Variants in DMD observed in about 807,000 individuals in gnomAD.
DMD encodes the protein mutant dystrophin.
In DMD, 63 loss-of-function variants were observed where a neutral mutation model predicts 330.1. The observed-to-expected ratio is 0.19, with a 90% CI of 0.16 to 0.24. The LOEUF is 0.24. Ranked by LOEUF, DMD falls within the 10% of genes least tolerant of loss-of-function variation. The probability of loss-of-function intolerance (pLI) is 1.00; values close to 1 mark genes in which losing one functional copy is unlikely to be tolerated. For missense variants in DMD, 3,344 were observed against 2,684.1 expected, an observed-to-expected ratio of 1.25 and a Z score of -5.43; for synonymous variants, 1,223 against 959.8, an observed-to-expected ratio of 1.27 and a Z score of -5.07.
At chrX:32,335,173 G>C (rs965353241) in intron 41 of DMD, among the ~76,000 whole-genome samples, 1 of 109,292 alleles carries the variant, frequency 9.1e-6, no homozygotes, top group Non-Finnish European at 1.9e-5. Flanking sequence ...CAATATATAG[G>C]TGTTTATTTT....
chrX:32,707,476 A>C (rs2064782114), intron 7 of DMD, among the ~76,000 whole-genome samples: 1 of 111,686 alleles, frequency 9.0e-6, no homozygotes, highest in South Asian at 3.8e-4. Context: ...TTAAATGAAA[A>C]TTCGCAACCA....
chrX:32,828,850 A>T (rs1457357785), intron 4 of DMD, among the ~76,000 whole-genome samples: 1 of 111,011 alleles, frequency 9.0e-6, no homozygotes, highest in East Asian at 2.8e-4. Flanking sequence ...CACTTTGTTA[A>T]CTTTTATTTC....
At chrX:33,319,259 ATTT>A in intron 1 of DMD, among the ~76,000 whole-genome samples, 1 of 110,673 alleles carries the variant, frequency 9.0e-6, no homozygotes, top group South Asian at 3.9e-4. Flanking sequence ...TTTATTATTT[ATTT>A]TTTTTTATAG....
chrX:33,260,997 T>TTA (rs1480299459), intron 1 of DMD, among the ~76,000 whole-genome samples: 5 of 111,512 alleles, frequency 4.5e-5, no homozygotes, highest in Non-Finnish European at 9.4e-5. Flanking sequence ...AGAACCTGTA[T>TTA]TATAGACAGT....
chrX:32,556,175 A>G (rs2050278947), intron 16 of DMD, among the ~76,000 whole-genome samples: 1 of 112,458 alleles, frequency 8.9e-6, no homozygotes, highest in Non-Finnish European at 1.9e-5. Context: ...ACACTTCTCA[A>G]AAGAAGACAT....
intron 51 of DMD, among the ~76,000 whole-genome samples, chrX:31,754,207 C>T (rs73210177): frequency 8.8e-4 from 98 of 111,121 alleles, no homozygotes; most frequent in Non-Finnish European, 1.8e-3. Flanking sequence ...AAGTAGTGTA[C>T]GATTACAAAT....
intron 7 of DMD, among the ~76,000 whole-genome samples, chrX:32,715,113 C>A (rs1299284178): frequency 9.0e-6 from 1 of 111,251 alleles, no homozygotes; most frequent in East Asian, 2.8e-4. Flanking sequence ...CTCCTTCCAC[C>A]CCCAACCTGG....
intron 45 of DMD, among the ~76,000 whole-genome samples, chrX:31,938,635 T>G (rs889341773): frequency 9.0e-6 from 1 of 111,531 alleles, no homozygotes; most frequent in Admixed American, 9.5e-5. Flanking sequence ...TACATCCATG[T>G]GGCCTGAGGT....
intron 52 of DMD, among the ~76,000 whole-genome samples, chrX:31,695,130 G>A (rs954801479): frequency 8.1e-5 from 9 of 111,333 alleles, no homozygotes; most frequent in African/African-American, 2.9e-4. Flanking sequence ...ATCTTGGATG[G>A]AACTGGAGGT....
At chrX:32,601,602 T>C (rs778130118) in intron 12 of DMD, among the ~76,000 whole-genome samples, 19 of 108,524 alleles carry the variant, frequency 1.8e-4, no homozygotes, top group Non-Finnish European at 3.5e-4. Flanking sequence ...TAGGATGAAA[T>C]AGATTGACCA....
chrX:31,150,408 A>G lies in DMD; in HGVS notation c.10554-2890T>C, dbSNP rs183193781. On this transcript the variant is annotated intron_variant, in intron 74 of 78. Coordinates refer to ENST00000357033, the MANE Select transcript of DMD (RefSeq NM_004006.3). ...AGTATTAGCACATGTGAAGGTCCCA[A>G]ATGCTTTAGGATTTACTGAGAATAC... 5.4e-5 allele frequency among the ~76,000 whole-genome samples: 6 copies of G among 112,149 alleles called. No individual in the cohort carries two copies. The East Asian group carries it at 1.7e-3, about 31-fold the overall frequency.
intron 44 of DMD, among the ~76,000 whole-genome samples, chrX:32,005,981 G>C (rs1406430433): frequency 9.0e-6 from 1 of 111,375 alleles, no homozygotes; most frequent in Non-Finnish European, 1.9e-5. Context: ...ACATTCCGAA[G>C]ACTGATTTCC....
intron 1 of DMD, among the ~76,000 whole-genome samples, chrX:33,275,908 T>C (rs1456962130): frequency 3.6e-5 from 4 of 111,809 alleles, no homozygotes; most frequent in Non-Finnish European, 5.6e-5. Context: ...ATACATATCA[T>C]TTGCACTCAG....
chrX:31,367,264 A>C, intron 60 of DMD, among the ~76,000 whole-genome samples: 1 of 111,461 alleles, frequency 9.0e-6, no homozygotes, highest in Middle Eastern at 4.6e-3. Flanking sequence ...TTTATTTCTA[A>C]TTATGCCCTA....
intron 72 of DMD, among the ~76,000 whole-genome samples, chrX:31,173,183 TCCA>T (rs2040174695): frequency 9.0e-6 from 1 of 111,630 alleles, no homozygotes; most frequent in Non-Finnish European, 1.9e-5. Context: ...TTTCATATTC[TCCA>T]TATAATATAG....
chrX:31,243,568 T>C (rs1260328638), intron 63 of DMD, among the ~76,000 whole-genome samples: 3 of 112,502 alleles, frequency 2.7e-5, no homozygotes, highest in African/African-American at 9.7e-5. Context: ...CCAGCAGATA[T>C]TTAAAAGAAA....
intron 67 of DMD, among the ~76,000 whole-genome samples, chrX:31,197,527 A>C (rs139885238): frequency 0.013 from 1,443 of 112,292 alleles, 33 homozygotes; most frequent in African/African-American, 0.045. Context: ...ACAACTGTGC[A>C]TAGATGGTAT....
In DMD at chrX:31,119,357, G is replaced by A. The variant is rs1367143640; in HGVS notation, c.*2562C>T. 8.9e-6 allele frequency: 1 copy of A among 111,917 alleles called. No individual in the cohort carries two copies. Among genetic ancestry groups the A allele is most frequent in the Non-Finnish European group, 1.9e-5 (1 of 53,006 alleles). The allele number at this position is 111,917 out of a possible 1,213,427, so 9.2% of individuals were successfully genotyped here. A position where few individuals can be genotyped will look rare whatever the true frequency, so the allele number is the denominator to read the frequency against. Reference sequence around the variant, plus strand: ...AAACTGAAGTTTAAAAAAATAATTCGTAAATGTTACAGTGTTGGTGTTAAA... The same window carrying A: ...AAACTGAAGTTTAAAAAAATAATTCATAAATGTTACAGTGTTGGTGTTAAA... On this transcript the variant is annotated 3_prime_UTR_variant, in exon 79 of 79. Transcript: ENST00000357033.
intron 43 of DMD, among the ~76,000 whole-genome samples, chrX:32,273,343 T>C (rs2097372530): frequency 9.0e-6 from 1 of 110,878 alleles, no homozygotes; most frequent in African/African-American, 3.3e-5. Context: ...TGTAATCCCA[T>C]CTTCTCAGAA....
Sources: allele counts gnomAD v4.1 joint callset (sites outside exome capture counted in the v4.1 genomes callset), GRCh38; gene constraint gnomAD v4.1.1; transcripts MANE v1.5; gene names NCBI Gene and HGNC (gene_info 2026-07-23, HGNC 2026-07-21).